The following CEP68 variants were observed in gnomAD, a reference collection of about 807,000 sequenced individuals.
The protein encoded by CEP68 is centrosomal protein of 68 kDa.
In CEP68, 26 loss-of-function variants were observed where a neutral mutation model predicts 55.3. The observed-to-expected ratio is 0.47, with a 90% CI of 0.34 to 0.65. The LOEUF (loss-of-function observed/expected upper bound fraction) is 0.65. CEP68 is among the 30% of genes least tolerant of loss of function. The pLI, the probability that CEP68 is intolerant of heterozygous loss-of-function variation, is 0.01. For synonymous variants in CEP68, 402 were observed against 383.2 expected, an observed-to-expected ratio of 1.05 and a Z score of -0.57; for missense variants, 957 against 946.7, an observed-to-expected ratio of 1.01 and a Z score of -0.14.
rs70943620 is a variant in CEP68, at chr2:65,066,745, A to AAAATAT, written c.-46-2653_-46-2652insAATATA. The stretch of plus-strand genomic sequence containing the variant: ...CTGTCTCAAAAAAAAAAAAAAAAAA[A>AAAATAT]ATATATATATATATATATATATACA... On this transcript the variant is annotated intron_variant, in intron 1 of 6. Transcript: ENST00000377990. 1.7e-3 allele frequency among the ~76,000 whole-genome samples: 97 copies of AAAATAT among 58,376 alleles called. 1 individual carries two copies. The highest frequency in any genetic ancestry group is 7.1e-3 in the African/African-American group (80 of 11,318). 38.3% of individuals were successfully genotyped at this position (58,376 alleles called of 152,430 possible).
intron 1 of CEP68, among the ~76,000 whole-genome samples, chr2:65,057,447 A>G (rs902231689): frequency 6.6e-6 from 1 of 152,152 alleles, no homozygotes; most frequent in African/African-American, 2.4e-5. Context: ...ATTCTGGCCC[A>G]CTTAGAAAAC....
intron 5 of CEP68, 115 bp from the exon 6 acceptor site, chr2:65,082,421 C>T (rs1668873420): frequency 1.2e-6 from 1 of 839,256 alleles, no homozygotes; most frequent in Non-Finnish European, 1.7e-6. Flanking sequence ...AAACTACTGC[C>T]AGGTCCTACT....
intron 1 of CEP68, among the ~76,000 whole-genome samples, chr2:65,057,735 G>A (rs1316056537): frequency 6.6e-6 from 1 of 152,198 alleles, no homozygotes; most frequent in Non-Finnish European, 1.5e-5. Flanking sequence ...CTTCTTGAGC[G>A]AGTTATTCTT....
chr2:65,066,745 A>AAAAAAAAATATATATAT (rs70943620), intron 1 of CEP68, among the ~76,000 whole-genome samples: 2 of 58,406 alleles, frequency 3.4e-5, no homozygotes, highest in Non-Finnish European at 6.1e-5. Flanking sequence ...AAAAAAAAAA[A>AAAAAAAAATATATATAT]ATATATATAT....
At chr2:65,080,143 AAAG>A (rs1216831484) in intron 5 of CEP68, 1 of 738,170 alleles carries the variant, frequency 1.4e-6, no homozygotes, top group African/African-American at 1.9e-5. Context: ...CAAAAAAAAA[AAAG>A]GCCTCTTAAA....
chr2:65,068,132 G>A lies in CEP68; in HGVS notation c.-46-1267G>A, dbSNP rs537207898. Among the ~76,000 whole-genome samples the A allele has an allele frequency of 7.2e-5, 11 of 152,230 alleles. No individual in the cohort carries two copies. The South Asian group carries it at 1.0e-3, about 14-fold the overall frequency. On this transcript the variant is annotated intron_variant, in intron 1 of 6. Coordinates refer to ENST00000377990, the MANE Select transcript of CEP68 (RefSeq NM_015147.3). ...TTGAGGTTGGCCCAGTGCACTCCGG[G>A]TGGCTGCCGACATCCTGGGCATTCA...
chr2:65,065,170 G>A (rs972170193), intron 1 of CEP68, among the ~76,000 whole-genome samples: 2 of 152,164 alleles, frequency 1.3e-5, no homozygotes, highest in Non-Finnish European at 2.9e-5. Context: ...GGAGTGTAGA[G>A]TGATACCACT....
chr2:65,063,971 A>G (rs536690396), intron 1 of CEP68, among the ~76,000 whole-genome samples: 1 of 152,318 alleles, frequency 6.6e-6, no homozygotes, highest in South Asian at 2.1e-4. Context: ...CTCATAATAA[A>G]CTTGTATAAT....
At chr2:65,074,172 A>G (rs1371169434) in intron 3 of CEP68, 110 bp from the exon 4 acceptor site, 1 of 1,329,340 alleles carries the variant, frequency 7.5e-7, no homozygotes, top group Non-Finnish European at 1.0e-6. Context: ...GAGAGAGGAA[A>G]CTGAAGGTGC....
chr2:65,082,685 C>T lies in CEP68; in HGVS notation c.2254C>T (p.His752Tyr), dbSNP rs749652442. The stretch of plus-strand genomic sequence containing the variant: ...CAAAAAGCCCATGGCGGCAATGGAG[C>T]ACCCATGTGAAGGGGTTTAACCTGG... ...PDKKPMAAME[H>Y]PCEGV Residue 752 changes from histidine (H) to tyrosine (Y), a missense_variant, in exon 6 of 7, where the codon CAC (histidine) becomes TAC (tyrosine). His to Tyr is a moderately conservative substitution (Grantham distance 83). Transcript: ENST00000377990. The T allele has an allele frequency of 1.3e-6, 2 of 1,599,502 alleles. No individual in the cohort carries two copies. The highest frequency in any genetic ancestry group is 1.7e-6 in the Non-Finnish European group (2 of 1,175,490).
intron 1 of CEP68, among the ~76,000 whole-genome samples, chr2:65,066,741 A>ATATATAT (rs1258320911): frequency 3.2e-5 from 3 of 94,780 alleles, no homozygotes; most frequent in African/African-American, 1.5e-4. Context: ...AAAAAAAAAA[A>ATATATAT]AAAAATATAT....
intron 4 of CEP68, among the ~76,000 whole-genome samples, chr2:65,076,831 T>C (rs1242271785): frequency 6.6e-6 from 1 of 152,016 alleles, no homozygotes; most frequent in African/African-American, 2.4e-5. Flanking sequence ...CCCAGTACTT[T>C]GGGAGCCTGA....
chr2:65,064,970 C>T (rs1359694774), intron 1 of CEP68, among the ~76,000 whole-genome samples: 1 of 152,190 alleles, frequency 6.6e-6, no homozygotes, highest in Non-Finnish European at 1.5e-5. Flanking sequence ...GTCCCTCCAC[C>T]AGTCTTCTCT....
rs138829086 is a variant in CEP68, at chr2:65,073,150, T to C, written c.1884+170T>C. The stretch of plus-strand genomic sequence containing the variant: ...CTCACAACTTTTACCAGGTAAGCAC[T>C]GTTCTCATTTTACTTTTTGGAGGAA... On this transcript the variant is annotated intron_variant, in intron 3 of 6. Transcript: ENST00000377990. 3.3e-3 allele frequency: 2,636 copies of C among 792,798 alleles called. 19 individuals are homozygous for C. The highest frequency in any genetic ancestry group is 8.3e-3 in the Middle Eastern group (37 of 4,476). 49.1% of individuals were successfully genotyped at this position (792,798 alleles called of 1,614,324 possible). A position where few individuals can be genotyped will look rare whatever the true frequency, so the allele number is the denominator to read the frequency against.
At position 65,071,455 on chromosome 2, in the gene CEP68, T is replaced by C. The variant is rs1162792191; in HGVS notation, c.359T>C (p.Val120Ala). 1.9e-6 allele frequency: 3 copies of C among 1,612,306 alleles called. No individual in the cohort carries two copies. The highest frequency in any genetic ancestry group is 1.7e-6 in the Non-Finnish European group (2 of 1,178,462). ...GDLLLSGESQVEKTKLSSSEE... is the reference protein window; with the variant it reads ...GDLLLSGESQAEKTKLSSSEE... ...TTTTTGTCCCTTTGATCATTGCAGG[T>C]GGAGAAGACCAAGCTTTCTTCCTCC... Residue 120 changes from valine (V) to alanine (A), a missense_variant and splice_region_variant, in exon 3 of 7, where the codon GTG becomes GCG. Val to Ala is a moderately conservative substitution (Grantham distance 64, BLOSUM62 0). Transcript: ENST00000377990.
chr2:65,066,697 A>G (rs1259718671), intron 1 of CEP68, among the ~76,000 whole-genome samples: 11 of 140,616 alleles, frequency 7.8e-5, no homozygotes, highest in African/African-American at 2.9e-4. Flanking sequence ...ACTGCACACC[A>G]GCCTGGAAGA....
chr2:65,064,569 C>A (rs1261004057), intron 1 of CEP68, among the ~76,000 whole-genome samples: 1 of 152,024 alleles, frequency 6.6e-6, no homozygotes, highest in Non-Finnish European at 1.5e-5. Flanking sequence ...CCCATCTCTA[C>A]TAAAAATACA....
intron 1 of CEP68, among the ~76,000 whole-genome samples, chr2:65,062,410 G>A (rs1015718265): frequency 1.3e-5 from 2 of 151,978 alleles, no homozygotes; most frequent in African/African-American, 4.8e-5. Flanking sequence ...GCACGCACCT[G>A]GAGTCCCAGC....
At chr2:65,059,573 T>C (rs989889403) in intron 1 of CEP68, among the ~76,000 whole-genome samples, 1 of 152,190 alleles carries the variant, frequency 6.6e-6, no homozygotes, top group South Asian at 2.1e-4. Flanking sequence ...GTAAGCCTTT[T>C]CTAATGTCCT....
Sources: gnomAD v4.1 joint callset for allele counts (sites outside exome capture counted in the v4.1 genomes callset) on GRCh38, gnomAD v4.1.1 for gene constraint, MANE v1.5 for transcripts, NCBI Gene and HGNC (gene_info 2026-07-23, HGNC 2026-07-21) for gene names.